GRK5: variants seen among roughly 807,000 people sequenced by gnomAD.
The protein encoded by GRK5 is g protein-coupled receptor kinase GRK5.
GRK5 carries 40 observed loss-of-function variants against 78.4 expected under a neutral mutation model. The ratio of observed to expected loss-of-function variants is 0.51; its 90% CI spans 0.40 to 0.66. The LOEUF is 0.66. Ranked by LOEUF, GRK5 falls within the 30% of genes least tolerant of loss-of-function variation. GRK5 has a pLI of 0.00. For synonymous variants in GRK5, 289 were observed against 296.8 expected (o/e 0.97, Z 0.27); for missense variants, 598 against 759.9 (o/e 0.79, Z 2.50).
intron 9 of GRK5, among the ~76,000 whole-genome samples, chr10:119,437,290 T>C (rs1220185986): frequency 6.6e-6 from 1 of 152,098 alleles, no homozygotes; most frequent in Non-Finnish European, 1.5e-5. Context: ...CACTCCATGC[T>C]GTCCTCAGCT....
chr10:119,246,755 T>A (rs1256222539), intron 1 of GRK5, among the ~76,000 whole-genome samples: 1 of 152,086 alleles, frequency 6.6e-6, no homozygotes, highest in African/African-American at 2.4e-5. Flanking sequence ...CTAGTTGAGG[T>A]TTAAAGCTCC....
chr10:119,373,225 C>T (rs777224214), intron 2 of GRK5, among the ~76,000 whole-genome samples: 6 of 152,190 alleles, frequency 3.9e-5, no homozygotes, highest in Non-Finnish European at 8.8e-5. Context: ...CTGCTTTAAA[C>T]TGGAGAGTAT....
chr10:119,278,291 T>C (rs12355648), intron 1 of GRK5, among the ~76,000 whole-genome samples: 20,223 of 151,864 alleles, frequency 0.13, 1,429 homozygotes, highest in Middle Eastern at 0.17. Flanking sequence ...GGCACCTCAC[T>C]GCAGGCCGCC....
chr10:119,455,722 A>G lies in GRK5; in HGVS notation c.*655A>G, dbSNP rs761415104. The stretch of plus-strand genomic sequence containing the variant: ...GTCGGCTTGGAACAATCTGAATTAA[A>G]TGTTCCAGACACACGTGGGACTTCC... On this transcript the variant is annotated 3_prime_UTR_variant, in exon 16 of 16. Transcript: ENST00000392870. The G allele has an allele frequency of 1.8e-5, 4 of 220,398 alleles. No homozygotes were observed. The highest frequency in any genetic ancestry group is 3.5e-5 in the Non-Finnish European group (4 of 113,084). 13.7% of individuals were successfully genotyped at this position (220,398 alleles called of 1,614,324 possible). A position where few individuals can be genotyped will look rare whatever the true frequency, so the allele number is the denominator to read the frequency against.
rs1483780863 is a variant in GRK5, at chr10:119,271,767, G to A, written c.53-54749G>A. On this transcript the variant is annotated intron_variant, in intron 1 of 15. Transcript: ENST00000392870. This position sits in a 1 kb window ranked among gnomAD's most constrained non-coding sequence, Gnocchi z 4.1. ...GTGGACTCTGGAGCGTGACTCTGGA[G>A]TTGCCAGTCCCAGCTCCAGCACTTT... Among the ~76,000 whole-genome samples the A allele has an allele frequency of 6.6e-6, 1 of 152,206 alleles. No homozygotes were observed. The highest frequency in any genetic ancestry group is 2.4e-5 in the African/African-American group (1 of 41,436).
intron 4 of GRK5, among the ~76,000 whole-genome samples, chr10:119,402,901 A>T (rs1479031634): frequency 6.6e-6 from 1 of 152,216 alleles, no homozygotes; most frequent in Non-Finnish European, 1.5e-5. Context: ...TTTGAGATCT[A>T]TTGGTATAAT....
At chr10:119,252,456 C>T (rs978053495) in intron 1 of GRK5, among the ~76,000 whole-genome samples, 9 of 152,084 alleles carry the variant, frequency 5.9e-5, no homozygotes, top group African/African-American at 1.9e-4. Flanking sequence ...TGTGGATGGG[C>T]CAGAACCCTG....
intron 1 of GRK5, among the ~76,000 whole-genome samples, chr10:119,268,825 G>A (rs1017247749): frequency 1.3e-5 from 2 of 152,224 alleles, no homozygotes; most frequent in African/African-American, 2.4e-5. Flanking sequence ...ACGCTACCCT[G>A]GCCCTGTCTC....
intron 1 of GRK5, among the ~76,000 whole-genome samples, chr10:119,244,030 T>C (rs1307399547): frequency 6.6e-6 from 1 of 152,266 alleles, no homozygotes; most frequent in Non-Finnish European, 1.5e-5. Flanking sequence ...TACCAGGGTT[T>C]AGTACACTGT....
At chr10:119,325,426 T>C (rs1293366515) in intron 1 of GRK5, among the ~76,000 whole-genome samples, 1 of 152,104 alleles carries the variant, frequency 6.6e-6, no homozygotes, top group South Asian at 2.1e-4. Context: ...GAAGGGGCCT[T>C]GTCCTGCCCA....
At position 119,262,425 on chromosome 10, in the gene GRK5, G is replaced by T. The variant is rs534000879; in HGVS notation, c.52+54456G>T. Among the ~76,000 whole-genome samples, 11 of 128,714 alleles carry T rather than the reference G, an allele frequency of 8.5e-5. No homozygotes were observed. In the East Asian group the frequency reaches 2.8e-3, roughly 33 times the overall value. The allele number at this position is 128,714 out of a possible 152,430, so 84.4% of individuals were successfully genotyped here. A position where few individuals can be genotyped will look rare whatever the true frequency, so the allele number is the denominator to read the frequency against. ...GTGATCTCGGCTCAGCACAACCTCC[G>T]CCTCCCAGATTCAAGCAATTCTCCT... is the stretch of plus-strand genomic sequence containing the variant. On this transcript the variant is annotated intron_variant, in intron 1 of 15. Coordinates refer to ENST00000392870, the MANE Select transcript of GRK5 (RefSeq NM_005308.3).
chr10:119,262,763 A>G (rs1849433271), intron 1 of GRK5, among the ~76,000 whole-genome samples: 1 of 152,210 alleles, frequency 6.6e-6, no homozygotes, highest in South Asian at 2.1e-4. Flanking sequence ...CAGGGAGTCA[A>G]GGAACCAGGG....
intron 1 of GRK5, among the ~76,000 whole-genome samples, chr10:119,265,346 T>C (rs1849477112): frequency 6.6e-6 from 1 of 152,204 alleles, no homozygotes; most frequent in Non-Finnish European, 1.5e-5. Flanking sequence ...AAGTTGGTGC[T>C]ATGGGCCTAA....
chr10:119,307,324 A>G (rs1335781818), intron 1 of GRK5, among the ~76,000 whole-genome samples: 1 of 152,078 alleles, frequency 6.6e-6, no homozygotes, highest in African/African-American at 2.4e-5. Context: ...TCGTATCCGA[A>G]TCCCTGCAAC....
At chr10:119,358,021 A>G (rs1240679523) in intron 2 of GRK5, among the ~76,000 whole-genome samples, 1 of 152,142 alleles carries the variant, frequency 6.6e-6, no homozygotes, top group East Asian at 1.9e-4. Flanking sequence ...AGGCCTCAGT[A>G]TGGAAAGTAT....
intron 1 of GRK5, among the ~76,000 whole-genome samples, chr10:119,316,655 C>G (rs1253117330): frequency 6.6e-6 from 1 of 152,180 alleles, no homozygotes; most frequent in African/African-American, 2.4e-5. Flanking sequence ...ATACCCAAAC[C>G]CTTGACAGGG....
chr10:119,252,008 T>A (rs1443335278), intron 1 of GRK5, among the ~76,000 whole-genome samples: 1 of 152,222 alleles, frequency 6.6e-6, no homozygotes, highest in Non-Finnish European at 1.5e-5. Context: ...CTTGAGATAT[T>A]GCTGCATCTG....
intron 2 of GRK5, among the ~76,000 whole-genome samples, chr10:119,348,770 T>C (rs986157544): frequency 6.6e-6 from 1 of 152,094 alleles, no homozygotes; most frequent in Non-Finnish European, 1.5e-5. Context: ...AGTGAGTGCT[T>C]TGGGGGGACC....
chr10:119,407,393 A>G (rs926543783), intron 4 of GRK5, among the ~76,000 whole-genome samples: 3 of 152,164 alleles, frequency 2.0e-5, no homozygotes, highest in Admixed American at 2.0e-4. Context: ...TCCTTCTCCC[A>G]CTGGGGATGG....
Sources: allele counts gnomAD v4.1 joint callset (sites outside exome capture counted in the v4.1 genomes callset), GRCh38; gene constraint gnomAD v4.1.1; non-coding constraint Gnocchi (gnomAD v3.1); transcripts MANE v1.5; gene names NCBI Gene and HGNC (gene_info 2026-07-23, HGNC 2026-07-21).